The following CNTROB variants were observed in gnomAD, a reference collection of about 807,000 sequenced individuals.
The protein encoded by CNTROB is centrobin.
A neutral mutation model predicts 115.7 loss-of-function variants in CNTROB; 82 were observed. The observed-to-expected ratio is 0.71, with a 90% CI of 0.59 to 0.85. CNTROB has a LOEUF of 0.85. Among genes scored for constraint, CNTROB ranks in the 40% least tolerant of loss-of-function variants. CNTROB has a pLI of 0.00. For missense variants in CNTROB, 1,014 were observed against 1,144.4 expected, an observed-to-expected ratio of 0.89 and a Z score of 1.64; for synonymous variants, 439 against 456.4, an observed-to-expected ratio of 0.96 and a Z score of 0.49.
chr17:7,935,803 C>G (rs1219138995), intron 4 of CNTROB: 2 of 160,732 alleles, frequency 1.2e-5, no homozygotes, highest in African/African-American at 4.8e-5. Flanking sequence ...ACAAACTCTG[C>G]TAGCTTGTGC....
chr17:7,933,278 G>A lies in CNTROB; in HGVS notation c.199G>A (p.Gly67Arg), dbSNP rs1972737837. ...YLPSTSPPHE[G>R]LDGFAQELSR... ...ACCCTCCACCTCCCCGCCTCATGAA[G>A]GGTTAGACGGCTTCGCCCAAGAATT... The change falls in exon 1 of 19, where the codon GGG (glycine) becomes AGG (arginine). Residue 67 changes from glycine to arginine, a missense_variant. Physicochemically the swap from Gly to Arg is moderately radical, Grantham distance 125. Transcript: ENST00000563694. 1.9e-6 allele frequency: 3 copies of A among 1,614,240 alleles called. No individual in the cohort carries two copies. The highest frequency in any genetic ancestry group is 2.5e-6 in the Non-Finnish European group (3 of 1,180,046).
rs750423499 is a variant in CNTROB at position 7,936,453 on chromosome 17, A to G, written c.682A>G (p.Lys228Glu). Residue 228 changes from lysine to glutamate, a missense_variant, in exon 5 of 19, where the codon AAA becomes GAA. Lys to Glu is a moderately conservative substitution (Grantham distance 56, BLOSUM62 1). Coordinates refer to ENST00000563694, the MANE Select transcript of CNTROB (RefSeq NM_053051.5). Reference protein sequence around the residue: ...LAVAVAADRKKDTMIEQLDKT... With the variant: ...LAVAVAADRKEDTMIEQLDKT... The stretch of plus-strand genomic sequence containing the variant: ...CGTGGCTGTGGCTGCCGACCGCAAG[A>G]AAGATACCATGATTGAACAACTGGA... 6.6e-7 allele frequency: 1 copy of G among 1,514,360 alleles called. No individual in the cohort carries two copies. Among genetic ancestry groups the G allele is most frequent in the South Asian group, 1.1e-5 (1 of 88,994 alleles). 93.8% of individuals were successfully genotyped at this position (1,514,360 alleles called of 1,614,324 possible). A position where few individuals can be genotyped will look rare whatever the true frequency, so the allele number is the denominator to read the frequency against.
chr17:7,948,176 T>G lies in CNTROB; in HGVS notation c.2229T>G (p.Ser743=). 6.2e-7 allele frequency: 1 copy of G among 1,614,188 alleles called. No homozygotes were observed. Among genetic ancestry groups the G allele is most frequent in the Non-Finnish European group, 8.5e-7 (1 of 1,180,046 alleles). ...PPKSGPLTVP[S]WEEAPQVPRI... ...TGCTAGGTCCTCTGACTGTCCCATC[T>G]TGGGAGGAAGCCCCTCAAGTGCCAC... The change falls in exon 16 of 19, where the codon TCT becomes TCG. Residue 743 remains serine, a synonymous_variant. Transcript: ENST00000563694. The surrounding 1 kb of genome is among the most constrained non-coding windows in gnomAD (Gnocchi z 4.4).
At chr17:7,942,787 A>ATT (rs71159534) in intron 9 of CNTROB, among the ~76,000 whole-genome samples, 581 of 35,842 alleles carry the variant, frequency 0.016, 61 homozygotes, top group Middle Eastern at 0.033. Flanking sequence ...TACTCAGGGT[A>ATT]TTTTTTTTTT....
Position 7,948,581 on chromosome 17 carries a change from G to A in CNTROB, c.2475G>A (p.Glu825=). The A allele has an allele frequency of 4.3e-6, 7 of 1,614,154 alleles. No individual in the cohort carries two copies. Among genetic ancestry groups the A allele is most frequent in the South Asian group, 1.1e-5 (1 of 91,088 alleles). Residue 825 remains glutamate (E), a synonymous_variant, in exon 17 of 19, where the codon GAG becomes GAA. Transcript: ENST00000563694. The surrounding 1 kb of genome is among the most constrained non-coding windows in gnomAD (Gnocchi z 4.4). ...QARGWGALPA[E]DLLLYLKRLE... Reference sequence around the variant, plus strand: ...GGGGCTGGGGGGCTCTGCCTGCTGAGGATCTCCTGCTCTACCTGAAGAGGC... The same window carrying A: ...GGGGCTGGGGGGCTCTGCCTGCTGAAGATCTCCTGCTCTACCTGAAGAGGC...
In CNTROB at chr17:7,934,218, C is replaced by T; in HGVS notation, c.351C>T (p.Ala117=). 6.2e-7 allele frequency: 1 copy of T among 1,613,310 alleles called. No individual in the cohort carries two copies. The highest frequency in any genetic ancestry group is 8.5e-7 in the Non-Finnish European group (1 of 1,179,266). Residue 117 remains alanine (A), a synonymous_variant, in exon 2 of 19, where the codon GCC becomes GCT. Transcript: ENST00000563694. ...QTMLQTSRDT[A]YRDPLIPGAG... ...TGCTCCAAACCTCACGTGATACAGC[C>T]TATCGTGAGTAAGCCCCTTCCCTAG...
At chr17:7,935,179 A>G (rs763371475) in intron 4 of CNTROB, 34 bp downstream of exon 4, 1 of 1,612,754 alleles carries the variant, frequency 6.2e-7, no homozygotes, top group Admixed American at 1.7e-5. Context: ...GAAAGCAGCA[A>G]AGATTAGAAA....
rs1289433984 is a variant in CNTROB, at chr17:7,944,116, C to CCTGTAGGAAGCAG, written c.1446-3_1455dup. On this transcript the variant is annotated splice_polypyrimidine_tract_variant and splice_region_variant and intron_variant, in intron 10 of 18. Coordinates refer to ENST00000563694, the MANE Select transcript of CNTROB (RefSeq NM_053051.5). This position sits in a 1 kb window ranked among gnomAD's most constrained non-coding sequence, Gnocchi z 4.0. The stretch of plus-strand genomic sequence containing the variant: ...CTCAGGCCTCTTCTCCTACCTGTGC[C>CCTGTAGGAAGCAG]CTGTAGGAAGCAGCTGCAGGACCTG... The CCTGTAGGAAGCAG allele has an allele frequency of 1.2e-6, 2 of 1,607,150 alleles. No homozygotes were observed. The highest frequency in any genetic ancestry group is 1.7e-6 in the Non-Finnish European group (2 of 1,173,944).
chr17:7,946,126 TCTG>T, intron 13 of CNTROB, 140 bp downstream of exon 13: 1 of 731,182 alleles, frequency 1.4e-6, no homozygotes, highest in Non-Finnish European at 2.3e-6. Context: ...GGAGCAGAAA[TCTG>T]CTCACATTGG....
In CNTROB at chr17:7,949,470, C is replaced by G; in HGVS notation, c.2672C>G (p.Ala891Gly). The G allele has an allele frequency of 6.2e-7, 1 of 1,614,130 alleles. No individual in the cohort carries two copies. Among genetic ancestry groups the G allele is most frequent in the Non-Finnish European group, 8.5e-7 (1 of 1,180,018 alleles). ...GCACGGAAGAAAAGTGGGCACCCTG[C>G]CCCGAGTAGCATGAGGAGCCGGGGG... The part of the protein sequence containing the change: ...PPARKKSGHP[A>G]PSSMRSRGGV... The change falls in exon 19 of 19, where the codon GCC (alanine) becomes GGC (glycine). Residue 891 changes from alanine (A) to glycine (G), a missense_variant. By Grantham distance (60) the Ala-to-Gly change is moderately conservative. Coordinates refer to ENST00000563694, the MANE Select transcript of CNTROB (RefSeq NM_053051.5).
In CNTROB at chr17:7,939,551, A is replaced by G. The variant is rs1211419533; in HGVS notation, c.966A>G (p.Ala322=). 2 of 1,614,212 alleles carry G rather than the reference A, an allele frequency of 1.2e-6. No homozygotes were observed. Among genetic ancestry groups the G allele is most frequent in the Non-Finnish European group, 8.5e-7 (1 of 1,180,032 alleles). The part of the protein sequence containing the change: ...ERQALTLRLE[A]EQQRCCVLQE... ...AAGCTCTGACTCTGAGGTTGGAGGC[A>G]GAACAGCAGCGGTGCTGTGTCCTGC... The change falls in exon 8 of 19, where the codon GCA becomes GCG. Residue 322 remains alanine, a synonymous_variant. Coordinates refer to ENST00000563694, the MANE Select transcript of CNTROB (RefSeq NM_053051.5). This position sits in a 1 kb window ranked among gnomAD's most constrained non-coding sequence, Gnocchi z 4.4.
chr17:7,949,558 A>G lies in CNTROB; in HGVS notation c.*48A>G. On this transcript the variant is annotated 3_prime_UTR_variant, in exon 19 of 19. Transcript: ENST00000563694. ...TTGTTCTCTCATTGTTGTTATTTTAATAAATGCTCATTAGTCTGTATCAGA... is the reference window on the plus strand; with the variant it reads ...TTGTTCTCTCATTGTTGTTATTTTAGTAAATGCTCATTAGTCTGTATCAGA... 3 of 1,546,968 alleles carry G rather than the reference A, an allele frequency of 1.9e-6. No homozygotes were observed. Among genetic ancestry groups the G allele is most frequent in the Non-Finnish European group, 2.6e-6 (3 of 1,145,478 alleles).
rs1240521538 is a variant in CNTROB, at chr17:7,939,089, G to T, written c.928-424G>T. ...CCACTGCGCCTGTCAACTATTGTGG[G>T]GTTTCTTTTGGTTTTATTTGAGATG... is the stretch of plus-strand genomic sequence containing the variant. On this transcript the variant is annotated intron_variant, in intron 7 of 18. Coordinates refer to ENST00000563694, the MANE Select transcript of CNTROB (RefSeq NM_053051.5). This position sits in a 1 kb window ranked among gnomAD's most constrained non-coding sequence, Gnocchi z 4.4. 6.6e-6 allele frequency among the ~76,000 whole-genome samples: 1 copy of T among 151,178 alleles called. No individual in the cohort carries two copies. The highest frequency in any genetic ancestry group is 1.5e-5 in the Non-Finnish European group (1 of 67,746).
chr17:7,947,914 A>G lies in CNTROB; in HGVS notation c.2146-2A>G. On this transcript the variant is annotated splice_acceptor_variant, in intron 14 of 18. Transcript: ENST00000563694. LOFTEE classifies it high-confidence loss of function. ...GAACTTGACAATCTTATTCACCCAC[A>G]GTTGCTGGAGACAGTGCCCCAGAAC... 1 of 1,613,932 alleles carries G rather than the reference A, an allele frequency of 6.2e-7. No homozygotes were observed. Among genetic ancestry groups the G allele is most frequent in the Non-Finnish European group, 8.5e-7 (1 of 1,179,836 alleles).
chr17:7,933,284 G>C lies in CNTROB; in HGVS notation c.205G>C (p.Asp69His). Residue 69 changes from aspartate (D) to histidine (H), a missense_variant, in exon 1 of 19, where the codon GAC becomes CAC. Asp to His is a moderately conservative substitution (Grantham distance 81). Coordinates refer to ENST00000563694, the MANE Select transcript of CNTROB (RefSeq NM_053051.5). ...CACCTCCCCGCCTCATGAAGGGTTA[G>C]ACGGCTTCGCCCAAGAATTGAGTCG... ...PSTSPPHEGL[D>H]GFAQELSRSL... The C allele has an allele frequency of 6.2e-7, 1 of 1,614,234 alleles. No homozygotes were observed.
chr17:7,946,017 C>T (rs180810364), intron 13 of CNTROB, 31 bp downstream of exon 13: 2 of 1,604,180 alleles, frequency 1.2e-6, no homozygotes, highest in Admixed American at 3.4e-5. Flanking sequence ...CTGGGGTTCC[C>T]CTTCTGTGCA....
At chr17:7,941,609 A>G in intron 9 of CNTROB, among the ~76,000 whole-genome samples, 1 of 150,970 alleles carries the variant, frequency 6.6e-6, no homozygotes, top group Non-Finnish European at 1.5e-5. Context: ...AAAAAAAAAA[A>G]AAAAAAAAGA....
Position 7,948,764 on chromosome 17 carries a change from C to T in CNTROB, c.2513+145C>T. On this transcript the variant is annotated intron_variant, in intron 17 of 18. Coordinates refer to ENST00000563694, the MANE Select transcript of CNTROB (RefSeq NM_053051.5). This position sits in a 1 kb window ranked among gnomAD's most constrained non-coding sequence, Gnocchi z 4.4. ...GATGAGAGGTGGATCCACAGATCTT[C>T]TCTAACTGCCCCACACTTTTCTTTT... 6.3e-7 allele frequency: 1 copy of T among 1,582,882 alleles called. No homozygotes were observed. The highest frequency in any genetic ancestry group is 2.3e-5 in the East Asian group (1 of 44,022).
At chr17:7,946,932 G>A (rs998761744) in intron 13 of CNTROB, among the ~76,000 whole-genome samples, 3 of 151,660 alleles carry the variant, frequency 2.0e-5, no homozygotes, top group African/African-American at 4.8e-5. Flanking sequence ...AGGCCGAGGC[G>A]GGCAGATCAC....
Sources: gnomAD v4.1 joint callset for allele counts (sites outside exome capture counted in the v4.1 genomes callset) on GRCh38, gnomAD v4.1.1 for gene constraint, Gnocchi (gnomAD v3.1) non-coding constraint, MANE v1.5 for transcripts, NCBI Gene and HGNC (gene_info 2026-07-23, HGNC 2026-07-21) for gene names.